Variants in PHLDB2 observed in about 807,000 individuals in gnomAD.
PHLDB2 encodes pleckstrin homology-like domain family B member 2.
Under a neutral mutation model 123.6 loss-of-function variants are expected in PHLDB2, and 71 were observed. The ratio of observed to expected loss-of-function variants is 0.57; its 90% confidence interval spans 0.47 to 0.70. The LOEUF is 0.70. PHLDB2 is among the 30% of genes least tolerant of loss of function. The pLI, the probability that PHLDB2 is intolerant of heterozygous loss-of-function variation, is 0.00. For missense variants in PHLDB2, 1,446 were observed against 1,519.5 expected (o/e 0.95, Z 0.80); for synonymous variants, 547 against 541.6 (o/e 1.01, Z -0.14).
intron 1 of PHLDB2, among the ~76,000 whole-genome samples, chr3:111,750,661 G>A (rs190475838): frequency 2.6e-5 from 4 of 152,122 alleles, no homozygotes; most frequent in African/African-American, 4.8e-5. Flanking sequence ...AAAATTCCCC[G>A]GGGGCCGGAT....
intron 2 of PHLDB2, among the ~76,000 whole-genome samples, chr3:111,896,549 G>A (rs761409133): frequency 3.3e-5 from 5 of 151,956 alleles, no homozygotes; most frequent in Admixed American, 6.6e-5. Flanking sequence ...GTTTCGCCAC[G>A]TATGTTGGCC....
chr3:111,899,930 C>T (rs915241844), intron 2 of PHLDB2, among the ~76,000 whole-genome samples: 1 of 152,164 alleles, frequency 6.6e-6, no homozygotes, highest in African/African-American at 2.4e-5. Context: ...CATGTAACCA[C>T]CTTCATCAAT....
intron 12 of PHLDB2, 178 bp from the exon 13 acceptor site, chr3:111,961,930 C>T: frequency 1.6e-6 from 1 of 613,452 alleles, no homozygotes; most frequent in South Asian, 2.0e-5. Context: ...TTCATTCAAA[C>T]TGTTGCTTGC....
chr3:111,742,305 T>TTA (rs967613904), intron 1 of PHLDB2, among the ~76,000 whole-genome samples: 6 of 151,904 alleles, frequency 3.9e-5, no homozygotes, highest in African/African-American at 7.2e-5. Flanking sequence ...CATTGTTCTT[T>TTA]TATATATATA....
chr3:111,829,976 A>T (rs1405572845), intron 1 of PHLDB2, among the ~76,000 whole-genome samples: 2 of 148,654 alleles, frequency 1.3e-5, no homozygotes, highest in East Asian at 3.9e-4. Flanking sequence ...ACACACAGCA[A>T]AACCAAGAAT....
At chr3:111,828,097 C>T (rs1019186273) in intron 1 of PHLDB2, among the ~76,000 whole-genome samples, 4 of 152,220 alleles carry the variant, frequency 2.6e-5, no homozygotes, top group African/African-American at 9.6e-5. Flanking sequence ...CACAAAGGAG[C>T]TCAGCCACTG....
At chr3:111,760,042 T>C (rs766619254) in intron 1 of PHLDB2, among the ~76,000 whole-genome samples, 46 of 152,348 alleles carry the variant, frequency 3.0e-4, no homozygotes, top group East Asian at 1.9e-4. Flanking sequence ...ACAATACTTA[T>C]GCAAAAGCAT....
At chr3:111,896,286 C>T (rs1338009451) in intron 2 of PHLDB2, among the ~76,000 whole-genome samples, 6 of 152,084 alleles carry the variant, frequency 3.9e-5, no homozygotes, top group Non-Finnish European at 8.8e-5. Flanking sequence ...ATTTATTGAG[C>T]TACCATTTTA....
intron 1 of PHLDB2, among the ~76,000 whole-genome samples, chr3:111,816,786 A>G (rs1174397158): frequency 6.6e-6 from 1 of 152,182 alleles, no homozygotes; most frequent in East Asian, 1.9e-4. Context: ...AGAGGGGCCA[A>G]CAGTGGAATG....
chr3:111,790,948 T>G (rs535248836), intron 1 of PHLDB2, among the ~76,000 whole-genome samples: 11 of 152,286 alleles, frequency 7.2e-5, no homozygotes, highest in Middle Eastern at 6.8e-3. Flanking sequence ...AATGGTGCCA[T>G]GGTAAGCATT....
At chr3:111,787,385 G>A (rs1576600220) in intron 1 of PHLDB2, among the ~76,000 whole-genome samples, 2 of 152,272 alleles carry the variant, frequency 1.3e-5, no homozygotes, top group Middle Eastern at 6.8e-3. Flanking sequence ...AAATCAAATG[G>A]AACTTATAAG....
At chr3:111,926,121 T>G (rs1047257906) in intron 5 of PHLDB2, among the ~76,000 whole-genome samples, 7 of 152,220 alleles carry the variant, frequency 4.6e-5, no homozygotes, top group Non-Finnish European at 1.0e-4. Flanking sequence ...CTTAAACACA[T>G]GAAACACACT....
At position 111,765,866 on chromosome 3, in the gene PHLDB2, T is replaced by C. The variant is rs147235901; in HGVS notation, c.-49+33163T>C. ...AATGTAGATTTACTTTAACATTTCA[T>C]TGTTGCCATTTCTTCTTTTATATGC... On this transcript the variant is annotated intron_variant, in intron 1 of 17. Transcript: ENST00000393923. 2.0e-3 allele frequency among the ~76,000 whole-genome samples: 295 copies of C among 149,318 alleles called. 1 individual carries two copies. Among genetic ancestry groups the C allele is most frequent in the Middle Eastern group, 6.9e-3 (2 of 288 alleles).
rs1168681416 is a variant in PHLDB2, at chr3:111,822,317, G to GTA, written c.-48-23489_-48-23488dup. ...TGTATGTGTGTGTGTGTGTGTGTGT[G>GTA]TATATATATATATATAATGGTACAC... On this transcript the variant is annotated intron_variant, in intron 1 of 17. Coordinates refer to the PHLDB2 transcript ENST00000393923. Among the ~76,000 whole-genome samples the GTA allele has an allele frequency of 1.5e-3, 227 of 147,896 alleles. 1 individual carries two copies. Among genetic ancestry groups the GTA allele is most frequent in the East Asian group, 3.7e-3 (19 of 5,074 alleles).
chr3:111,889,860 G>A (rs1429139418), intron 2 of PHLDB2, among the ~76,000 whole-genome samples: 1 of 151,872 alleles, frequency 6.6e-6, no homozygotes, highest in Non-Finnish European at 1.5e-5. Flanking sequence ...TATTATCCTC[G>A]GGAGTTAGAA....
chr3:111,944,566 C>G (rs2070159029), intron 8 of PHLDB2, among the ~76,000 whole-genome samples: 1 of 152,080 alleles, frequency 6.6e-6, no homozygotes, highest in Non-Finnish European at 1.5e-5. Context: ...ATTACATCAT[C>G]AGATATTATG....
At chr3:111,918,922 A>G (rs1434371057) in intron 3 of PHLDB2, 150 bp from the exon 4 acceptor site, 1 of 816,092 alleles carries the variant, frequency 1.2e-6, no homozygotes, top group Non-Finnish European at 2.0e-6. Context: ...AACACATCAG[A>G]GCTCCAAGCG....
intron 1 of PHLDB2, among the ~76,000 whole-genome samples, chr3:111,734,216 G>C (rs1345322206): frequency 6.6e-6 from 1 of 152,192 alleles, no homozygotes; most frequent in Non-Finnish European, 1.5e-5. Context: ...CTGGTATCCA[G>C]AGGATGTTCA....
At position 111,967,773 on chromosome 3, in the gene PHLDB2, G is replaced by A; in HGVS notation, c.3264G>A (p.Arg1088=). The change falls in exon 15 of 18, where the codon AGG becomes AGA. Residue 1088 remains arginine, a synonymous_variant. Transcript: ENST00000431670. The part of the protein sequence containing the change: ...EKRLQEETSQ[R]QKLIEKEVKI... ...GATTACAGGAAGAAACTAGCCAGAG[G>A]CAGAAGTTAATAGAAAAGGAAGTAA... 1 of 1,612,468 alleles carries A rather than the reference G, an allele frequency of 6.2e-7. No homozygotes were observed.
Sources: gnomAD v4.1 joint callset for allele counts (sites outside exome capture counted in the v4.1 genomes callset) on GRCh38, gnomAD v4.1.1 for gene constraint, MANE v1.5 for transcripts, NCBI Gene and HGNC (gene_info 2026-07-23, HGNC 2026-07-21) for gene names.